CSMD1: variants seen among roughly 807,000 people sequenced by gnomAD.
CSMD1 encodes CUB and Sushi multiple domains 1.
In CSMD1, 213 loss-of-function variants were observed where a neutral mutation model predicts 417.5. That is an observed-to-expected ratio of 0.51 (90% CI 0.46 to 0.57). The LOEUF is 0.57. Ranked by LOEUF, CSMD1 falls within the 20% of genes least tolerant of loss-of-function variation. CSMD1 has a pLI of 0.00. For synonymous variants in CSMD1, 2,862 were observed against 1,736.8 expected (o/e 1.65, Z -16.11); for missense variants, 6,923 against 4,529.7 (o/e 1.53, Z -15.17).
intron 10 of CSMD1, among the ~76,000 whole-genome samples, chr8:3,573,243 T>C (rs1194314818): frequency 6.6e-6 from 1 of 152,212 alleles, no homozygotes; most frequent in Non-Finnish European, 1.5e-5. Context: ...TTACTATATC[T>C]CTTTGCCCAA....
chr8:4,646,284 C>G (rs960127782), intron 1 of CSMD1, among the ~76,000 whole-genome samples: 1 of 152,066 alleles, frequency 6.6e-6, no homozygotes, highest in Non-Finnish European at 1.5e-5. Flanking sequence ...ATTTATTTAT[C>G]TCTTAATGAA....
chr8:3,316,822 A>G (rs1805802473), intron 23 of CSMD1, among the ~76,000 whole-genome samples: 1 of 152,168 alleles, frequency 6.6e-6, no homozygotes, highest in Non-Finnish European at 1.5e-5. Flanking sequence ...AGAAGACTGC[A>G]CAGGAAACTG....
intron 12 of CSMD1, among the ~76,000 whole-genome samples, chr8:3,460,013 C>G (rs192925410): frequency 3.9e-5 from 6 of 152,330 alleles, no homozygotes; most frequent in African/African-American, 7.2e-5. Flanking sequence ...GCTATACAAC[C>G]TGCAGCTTCT....
At chr8:3,129,029 G>A (rs1315959977) in intron 41 of CSMD1, 2 of 335,812 alleles carry the variant, frequency 6.0e-6, no homozygotes, top group East Asian at 1.6e-4. Flanking sequence ...CCAACCAGAT[G>A]CTTGACCTAG....
At chr8:3,218,291 G>C (rs1797997596) in intron 29 of CSMD1, among the ~76,000 whole-genome samples, 1 of 152,210 alleles carries the variant, frequency 6.6e-6, no homozygotes, top group Non-Finnish European at 1.5e-5. Context: ...GCCGGGCGCG[G>C]TGGCTCACGC....
intron 10 of CSMD1, among the ~76,000 whole-genome samples, chr8:3,558,295 A>T (rs71521876): frequency 0.019 from 1,717 of 92,468 alleles, 43 homozygotes; most frequent in Non-Finnish European, 0.03. Context: ...GCCTCAATGG[A>T]ACTCCGTGTT....
At chr8:4,290,060 A>T (rs965109957) in intron 3 of CSMD1, among the ~76,000 whole-genome samples, 5 of 152,226 alleles carry the variant, frequency 3.3e-5, no homozygotes, top group Admixed American at 3.3e-4. Context: ...AACAACTGCA[A>T]ATTCAGCACG....
At chr8:4,948,108 C>G (rs1053762966) in intron 1 of CSMD1, among the ~76,000 whole-genome samples, 4 of 151,880 alleles carry the variant, frequency 2.6e-5, no homozygotes, top group Non-Finnish European at 4.4e-5. Flanking sequence ...CAATTATTTT[C>G]CAAATGGTCG....
chr8:4,432,786 A>C (rs1407465095), intron 2 of CSMD1, among the ~76,000 whole-genome samples: 1 of 152,194 alleles, frequency 6.6e-6, no homozygotes, highest in Non-Finnish European at 1.5e-5. Context: ...GCCAAGCAGT[A>C]ATTTTGGTTA....
At chr8:4,101,903 A>C in intron 3 of CSMD1, among the ~76,000 whole-genome samples, 1 of 152,190 alleles carries the variant, frequency 6.6e-6, no homozygotes, top group Non-Finnish European at 1.5e-5. Flanking sequence ...ATCTCTCCTA[A>C]TAATGTACAG....
chr8:3,932,859 T>C (rs1251345096), intron 5 of CSMD1, among the ~76,000 whole-genome samples: 1 of 150,512 alleles, frequency 6.6e-6, no homozygotes, highest in East Asian at 1.9e-4. Context: ...GATTTCACTA[T>C]TGTGTAAAGT....
At chr8:4,462,225 T>G (rs1024594714) in intron 2 of CSMD1, among the ~76,000 whole-genome samples, 1 of 151,940 alleles carries the variant, frequency 6.6e-6, no homozygotes, top group African/African-American at 2.4e-5. Context: ...AACATGAAAT[T>G]TAAAAAGAAA....
intron 3 of CSMD1, among the ~76,000 whole-genome samples, chr8:4,184,937 A>T (rs1326637581): frequency 6.6e-6 from 1 of 152,076 alleles, no homozygotes; most frequent in East Asian, 1.9e-4. Context: ...CAGGAGTTCA[A>T]GACCAGCCTC....
chr8:3,106,650 G>C lies in CSMD1; in HGVS notation c.6836-9C>G. ...GTACTTCACAAAATCTCCTAGAAGAGTCAATGCAACAAACCAGGAAATTGT... is the reference window on the plus strand; with the variant it reads ...GTACTTCACAAAATCTCCTAGAAGACTCAATGCAACAAACCAGGAAATTGT... On this transcript the variant is annotated splice_polypyrimidine_tract_variant and intron_variant, in intron 45 of 69. Coordinates refer to ENST00000635120, the MANE Select transcript of CSMD1 (RefSeq NM_033225.6). The C allele has an allele frequency of 6.4e-7, 1 of 1,572,898 alleles. No homozygotes were observed. Among genetic ancestry groups the C allele is most frequent in the Non-Finnish European group, 8.7e-7 (1 of 1,143,868 alleles).
chr8:4,828,108 A>C (rs1051659938), intron 1 of CSMD1, among the ~76,000 whole-genome samples: 9 of 152,156 alleles, frequency 5.9e-5, no homozygotes, highest in Non-Finnish European at 8.8e-5. Flanking sequence ...AAAGGTATAC[A>C]AAGTTGATTT....
At chr8:3,049,674 G>A (rs1215069842) in intron 50 of CSMD1, among the ~76,000 whole-genome samples, 2 of 152,102 alleles carry the variant, frequency 1.3e-5, no homozygotes, top group Non-Finnish European at 2.9e-5. Context: ...CTTTAAGTGT[G>A]ATACTATCAT....
intron 12 of CSMD1, among the ~76,000 whole-genome samples, chr8:3,421,254 G>C (rs1020847234): frequency 6.6e-6 from 1 of 152,206 alleles, no homozygotes; most frequent in South Asian, 2.1e-4. Context: ...GGTCTTCAGA[G>C]ACTGGATCCA....
intron 2 of CSMD1, among the ~76,000 whole-genome samples, chr8:4,524,843 A>G (rs908334787): frequency 1.3e-5 from 2 of 152,150 alleles, no homozygotes; most frequent in African/African-American, 4.8e-5. Flanking sequence ...CAATTTATAT[A>G]ATAAAAATTG....
At chr8:4,293,575 C>T (rs900015317) in intron 3 of CSMD1, among the ~76,000 whole-genome samples, 1 of 152,064 alleles carries the variant, frequency 6.6e-6, no homozygotes, top group African/African-American at 2.4e-5. Flanking sequence ...AAATTAGGCA[C>T]AATAAAAGAG....
Sources: allele counts gnomAD v4.1 joint callset (sites outside exome capture counted in the v4.1 genomes callset), GRCh38; gene constraint gnomAD v4.1.1; transcripts MANE v1.5; gene names NCBI Gene and HGNC (gene_info 2026-07-23, HGNC 2026-07-21).